The following DYSF variants were observed in gnomAD, a reference collection of about 807,000 sequenced individuals.
The protein encoded by DYSF is dysferlin.
A neutral mutation model predicts 274.9 loss-of-function variants in DYSF; 212 were observed. The ratio of observed to expected loss-of-function variants is 0.77; its 90% CI spans 0.69 to 0.86. DYSF has a LOEUF of 0.86. DYSF is among the 40% of genes least tolerant of loss of function. The pLI is 0.00. For missense variants in DYSF, 2,666 were observed against 2,783.2 expected (o/e 0.96, Z 0.95); for synonymous variants, 1,091 against 1,078.7 (o/e 1.01, Z -0.22).
At chr2:71,469,486 A>G (rs538127395) in intron 1 of DYSF, among the ~76,000 whole-genome samples, 4 of 152,316 alleles carry the variant, frequency 2.6e-5, no homozygotes, top group South Asian at 4.1e-4. Context: ...TCCTCATGGC[A>G]CAGATGGGAC....
chr2:71,539,420 T>C (rs549998518), intron 17 of DYSF, among the ~76,000 whole-genome samples, 181 bp downstream of exon 17: 5 of 152,128 alleles, frequency 3.3e-5, no homozygotes, highest in African/African-American at 1.2e-4. Flanking sequence ...ACACTTAGGG[T>C]TCTCCACACT....
chr2:71,570,022 C>T (rs1431061201), intron 27 of DYSF, 88 bp downstream of exon 27: 1 of 1,268,474 alleles, frequency 7.9e-7, no homozygotes, highest in South Asian at 1.2e-5. Flanking sequence ...GCATGTTTCT[C>T]TTTGCCCCCT....
At chr2:71,509,308 G>C (rs750290634) in intron 4 of DYSF, among the ~76,000 whole-genome samples, 42 of 152,114 alleles carry the variant, frequency 2.8e-4, no homozygotes, top group African/African-American at 9.7e-4. Context: ...AACTATAAGC[G>C]TGGGCCACCA....
rs372984442 is a variant in DYSF, at chr2:71,568,564, AT to A, written c.2864+241del. Among the ~76,000 whole-genome samples the A allele has an allele frequency of 1.2e-3, 170 of 145,962 alleles. No homozygotes were observed. The highest frequency in any genetic ancestry group is 3.5e-3 in the Middle Eastern group (1 of 282). On this transcript the variant is annotated intron_variant, in intron 26 of 55. Coordinates refer to ENST00000410020, the MANE Select transcript of DYSF (RefSeq NM_001130987.2). ...GTCCTTTATTCTTTTCATTAAAAAA[AT>A]TTTTTTTTTTTTTTGAGACAGAGTC...
chr2:71,580,371 C>A (rs1416198061), intron 30 of DYSF, among the ~76,000 whole-genome samples: 2 of 152,208 alleles, frequency 1.3e-5, no homozygotes, highest in African/African-American at 4.8e-5. Context: ...AGTTGGGAGT[C>A]AGAAGTGCAG....
rs753445370 is a variant in DYSF at position 71,564,238 on chromosome 2, A to G, written c.2565+25A>G. 7 of 1,614,142 alleles carry G rather than the reference A, an allele frequency of 4.3e-6. No homozygotes were observed. In the Admixed American group the frequency reaches 1.0e-4, roughly 23 times the overall value. The stretch of plus-strand genomic sequence containing the variant: ...AGTGAGTTTTCTTTTTTCCCAAGTC[A>G]TGATCGTATTTTTCCCAACATAAGG... On this transcript the variant is annotated intron_variant, in intron 24 of 55. Coordinates refer to ENST00000410020, the MANE Select transcript of DYSF (RefSeq NM_001130987.2).
At chr2:71,684,720 G>A (rs968746818) in intron 55 of DYSF, among the ~76,000 whole-genome samples, 1 of 152,164 alleles carries the variant, frequency 6.6e-6, no homozygotes, top group Non-Finnish European at 1.5e-5. Flanking sequence ...GGCCGGCCCC[G>A]GCCTGCTGAG....
chr2:71,517,175 C>A, intron 10 of DYSF, 136 bp downstream of exon 10: 1 of 857,968 alleles, frequency 1.2e-6, no homozygotes, highest in Non-Finnish European at 1.9e-6. Flanking sequence ...AGAACAACGC[C>A]AAGCCCTCTG....
At chr2:71,592,782 C>T (rs1201844400) in intron 32 of DYSF, among the ~76,000 whole-genome samples, 1 of 152,308 alleles carries the variant, frequency 6.6e-6, no homozygotes, top group Admixed American at 6.5e-5. Context: ...CTCTGCTGTG[C>T]TCTTTGCTTC....
chr2:71,650,833 C>G (rs1351241628), intron 42 of DYSF, among the ~76,000 whole-genome samples: 2 of 152,110 alleles, frequency 1.3e-5, no homozygotes, highest in Non-Finnish European at 2.9e-5. Context: ...GGAAACAGTG[C>G]TAAAACACTA....
intron 4 of DYSF, among the ~76,000 whole-genome samples, chr2:71,504,561 G>T (rs1050968125): frequency 6.6e-6 from 1 of 152,148 alleles, no homozygotes; most frequent in Non-Finnish European, 1.5e-5. Flanking sequence ...CCCCTTCAGG[G>T]GTCCTGAGGA....
rs183941137 is a variant in DYSF, at chr2:71,480,828, C to T, written c.92-55C>T. On this transcript the variant is annotated intron_variant, in intron 1 of 55. Coordinates refer to ENST00000410020, the MANE Select transcript of DYSF (RefSeq NM_001130987.2). The stretch of plus-strand genomic sequence containing the variant: ...GTCTCAGAAGCTGAGCCTAACTCAG[C>T]GGAAGGTGAAAGGCGGGATGTGTCT... The T allele has an allele frequency of 4.1e-3, 6,251 of 1,525,124 alleles. 16 individuals carry two copies. Among genetic ancestry groups the T allele is most frequent in the Non-Finnish European group, 5.3e-3 (5,850 of 1,099,346 alleles). 94.5% of individuals were successfully genotyped at this position (1,525,124 alleles called of 1,614,324 possible).
intron 19 of DYSF, among the ~76,000 whole-genome samples, chr2:71,552,200 G>A (rs1364872789): frequency 6.6e-6 from 1 of 152,166 alleles, no homozygotes; most frequent in East Asian, 1.9e-4. Flanking sequence ...TTGTGTCCAG[G>A]AGGTAGCTGT....
At chr2:71,654,631 A>G (rs2152935674) in intron 42 of DYSF, among the ~76,000 whole-genome samples, 1 of 152,146 alleles carries the variant, frequency 6.6e-6, no homozygotes, top group Non-Finnish European at 1.5e-5. Context: ...GAAAATAAAA[A>G]TAATAATATT....
Position 71,526,323 on chromosome 2 carries a change from T to TC in DYSF, c.1255dup (p.Arg419ProfsTer25). ...GGAGCCCACTTCTGCCTGAAGGTCT[T>TC]CCGGGCCGAGGACTTGCCGCAGAGT... On this transcript the variant is annotated frameshift_variant, in exon 13 of 56. Coordinates refer to ENST00000410020, the MANE Select transcript of DYSF (RefSeq NM_001130987.2). LOFTEE classifies it high-confidence loss of function. 1 of 1,572,974 alleles carries TC rather than the reference T, an allele frequency of 6.4e-7. No individual in the cohort carries two copies. Among genetic ancestry groups the TC allele is most frequent in the Non-Finnish European group, 8.7e-7 (1 of 1,155,422 alleles).
intron 3 of DYSF, among the ~76,000 whole-genome samples, chr2:71,485,971 G>A (rs1049575569): frequency 2.0e-5 from 3 of 151,882 alleles, no homozygotes; most frequent in Non-Finnish European, 2.9e-5. Flanking sequence ...GAGCCACCGC[G>A]CCCAGCCCTT....
chr2:71,646,614 T>C (rs1243764102), intron 42 of DYSF, among the ~76,000 whole-genome samples: 2 of 151,880 alleles, frequency 1.3e-5, no homozygotes, highest in African/African-American at 2.4e-5. Flanking sequence ...ATCACTAGCA[T>C]AGGGGGACAA....
intron 29 of DYSF, among the ~76,000 whole-genome samples, chr2:71,571,731 GCACA>G (rs1356096464): frequency 9.9e-6 from 1 of 100,586 alleles, no homozygotes; most frequent in Non-Finnish European, 1.8e-5. Flanking sequence ...ATCACACCCA[GCACA>G]CACACAGATC....
At chr2:71,503,463 C>A in intron 4 of DYSF, 144 bp downstream of exon 4, 1 of 861,310 alleles carries the variant, frequency 1.2e-6, no homozygotes, top group Non-Finnish European at 1.9e-6. Flanking sequence ...CCAGAGTTTG[C>A]AGTGTCTGGA....
Sources: gnomAD v4.1 joint callset for allele counts (sites outside exome capture counted in the v4.1 genomes callset) on GRCh38, gnomAD v4.1.1 for gene constraint, MANE v1.5 for transcripts, NCBI Gene and HGNC (gene_info 2026-07-23, HGNC 2026-07-21) for gene names.